Variants in INTS4 observed in about 807,000 individuals in gnomAD.
INTS4 encodes MSTP093.
In INTS4, 70 loss-of-function variants were observed where a neutral mutation model predicts 119.5. The observed-to-expected ratio is 0.59, with a 90% CI of 0.48 to 0.71. The LOEUF is 0.71. INTS4 is among the 30% of genes least tolerant of loss of function. The pLI is 0.00. For synonymous variants in INTS4, 316 were observed against 419.6 expected (o/e 0.75, Z 3.02); for missense variants, 867 against 1,173.2 (o/e 0.74, Z 3.81).
chr11:77,990,639 T>C (rs1298764945), intron 2 of INTS4, among the ~76,000 whole-genome samples: 2 of 148,180 alleles, frequency 1.3e-5, no homozygotes, highest in African/African-American at 2.5e-5. Context: ...CGAGCCAAGA[T>C]TGCACTACTG....
chr11:77,955,645 G>GCA lies in INTS4; in HGVS notation c.918+296_918+297insTG, dbSNP rs1476062422. Among the ~76,000 whole-genome samples, 201 of 152,152 alleles carry GCA rather than the reference G, an allele frequency of 1.3e-3. 1 individual carries two copies. Among genetic ancestry groups the GCA allele is most frequent in the Non-Finnish European group, 2.0e-3 (139 of 67,990 alleles). ...CGAGTAGCTGGGATTACAGGCGTGC[G>GCA]CCACCATGCCCAGCTAATTTTTGTA... On this transcript the variant is annotated intron_variant, in intron 8 of 22. Coordinates refer to ENST00000534064, the MANE Select transcript of INTS4 (RefSeq NM_033547.4).
At chr11:77,908,760 G>A (rs952889565) in intron 15 of INTS4, among the ~76,000 whole-genome samples, 2 of 152,184 alleles carry the variant, frequency 1.3e-5, no homozygotes, top group African/African-American at 4.8e-5. Context: ...GTGCTCTTTA[G>A]TACCTTCTCC....
intron 13 of INTS4, among the ~76,000 whole-genome samples, chr11:77,922,082 G>C (rs1953375158): frequency 6.6e-6 from 1 of 151,874 alleles, no homozygotes; most frequent in South Asian, 2.1e-4. Flanking sequence ...ACAAAAATTA[G>C]CTGGGTGTGG....
intron 16 of INTS4, among the ~76,000 whole-genome samples, chr11:77,904,459 AT>A (rs1445034187): frequency 1.3e-5 from 2 of 152,216 alleles, no homozygotes; most frequent in African/African-American, 4.8e-5. Flanking sequence ...ACCATGCAGT[AT>A]TTTTTAAATT....
In INTS4 at chr11:77,981,589, A is replaced by G; in HGVS notation, c.247-13T>C. 1 of 1,439,038 alleles carries G rather than the reference A, an allele frequency of 6.9e-7. No individual in the cohort carries two copies. Among genetic ancestry groups the G allele is most frequent in the Non-Finnish European group, 9.6e-7 (1 of 1,040,064 alleles). The allele number at this position is 1,439,038 out of a possible 1,614,324, so 89.1% of individuals were successfully genotyped here. A position where few individuals can be genotyped will look rare whatever the true frequency, so the allele number is the denominator to read the frequency against. The stretch of plus-strand genomic sequence containing the variant: ...ATGGATCATTCTCCTGGAAAAAAAG[A>G]AGCAATTGTCACTTTGATGCTTTAC... On this transcript the variant is annotated splice_polypyrimidine_tract_variant and intron_variant, in intron 2 of 22. Coordinates refer to ENST00000534064, the MANE Select transcript of INTS4 (RefSeq NM_033547.4).
At chr11:77,915,066 A>G (rs541861503) in intron 15 of INTS4, 9 of 193,964 alleles carry the variant, frequency 4.6e-5, no homozygotes, top group Non-Finnish European at 9.0e-5. Context: ...TCAACTTGTT[A>G]ACGATTCATG....
chr11:77,884,705 C>T, intron 21 of INTS4: 1 of 260,404 alleles, frequency 3.8e-6, no homozygotes, highest in Non-Finnish European at 8.3e-6. Context: ...CCCTATAATC[C>T]TTCATCTCTC....
intron 21 of INTS4, among the ~76,000 whole-genome samples, chr11:77,886,828 C>A (rs974304671): frequency 6.6e-6 from 1 of 152,138 alleles, no homozygotes; most frequent in African/African-American, 2.4e-5. Flanking sequence ...GGAAACTGAA[C>A]AACCTGCTCC....
At chr11:77,987,620 C>A in intron 2 of INTS4, 1 of 450,438 alleles carries the variant, frequency 2.2e-6, no homozygotes, top group Non-Finnish European at 4.5e-6. Flanking sequence ...AATCCCAATC[C>A]TTTGGGAGGG....
At chr11:77,915,809 C>T (rs1953192384) in intron 15 of INTS4, among the ~76,000 whole-genome samples, 2 of 152,206 alleles carry the variant, frequency 1.3e-5, no homozygotes, top group African/African-American at 2.4e-5. Flanking sequence ...TTCTCAGATT[C>T]CCTTGAGCTA....
chr11:77,971,589 G>C (rs866659739), intron 4 of INTS4, among the ~76,000 whole-genome samples: 1 of 152,062 alleles, frequency 6.6e-6, no homozygotes, highest in African/African-American at 2.4e-5. Flanking sequence ...GCAGTGAGCC[G>C]AGGTCAAGCC....
chr11:77,947,195 T>C (rs961603493), intron 8 of INTS4, among the ~76,000 whole-genome samples: 5 of 151,472 alleles, frequency 3.3e-5, no homozygotes, highest in African/African-American at 1.2e-4. Flanking sequence ...GCATTGAAGA[T>C]TGCCTGATGG....
chr11:77,935,895 CA>C (rs1261830084), intron 10 of INTS4, among the ~76,000 whole-genome samples: 80 of 15,122 alleles, frequency 5.3e-3, no homozygotes, highest in Admixed American at 6.8e-3. Flanking sequence ...GATCCTGTCT[CA>C]AAAAAAAAAA....
At chr11:77,920,232 C>CACAT (rs1448822485) in intron 14 of INTS4, among the ~76,000 whole-genome samples, 2 of 14,384 alleles carry the variant, frequency 1.4e-4, no homozygotes, top group African/African-American at 4.6e-4. Context: ...CATATACATA[C>CACAT]ATATATACAT....
intron 4 of INTS4, 61 bp downstream of exon 4, chr11:77,978,935 G>A (rs931200640): frequency 2.0e-6 from 2 of 1,006,810 alleles, no homozygotes; most frequent in Admixed American, 3.7e-5. Context: ...AACCATTAAT[G>A]GTCCTTAGCA....
Position 77,981,578 on chromosome 11 carries a change from T to C in INTS4, c.247-2A>G. The C allele has an allele frequency of 2.0e-6, 3 of 1,521,770 alleles. No homozygotes were observed. The highest frequency in any genetic ancestry group is 2.7e-6 in the Non-Finnish European group (3 of 1,118,746). The allele number at this position is 1,521,770 out of a possible 1,614,324, so 94.3% of individuals were successfully genotyped here. Reference sequence around the variant, plus strand: ...CAGTCTCACAGATGGATCATTCTCCTGGAAAAAAAGAAGCAATTGTCACTT... The same window carrying C: ...CAGTCTCACAGATGGATCATTCTCCCGGAAAAAAAGAAGCAATTGTCACTT... On this transcript the variant is annotated splice_acceptor_variant, in intron 2 of 22. Coordinates refer to ENST00000534064, the MANE Select transcript of INTS4 (RefSeq NM_033547.4). LOFTEE classifies it high-confidence loss of function.
downstream of INTS4, among the ~76,000 whole-genome samples, chr11:77,876,194 T>G (rs781284366): frequency 6.6e-6 from 1 of 152,190 alleles, no homozygotes; most frequent in Non-Finnish European, 1.5e-5. Context: ...CAAACAGGTT[T>G]CTGGCTCTGA....
At chr11:77,956,083 T>G in intron 7 of INTS4, 21 bp from the exon 8 acceptor site, 1 of 1,580,542 alleles carries the variant, frequency 6.3e-7, no homozygotes, top group Non-Finnish European at 8.6e-7. Flanking sequence ...AGAAAAGAAA[T>G]GAAATCACTT....
At position 77,899,600 on chromosome 11, in the gene INTS4, G is replaced by C. The variant is rs1402132798; in HGVS notation, c.2228+1821C>G. Among the ~76,000 whole-genome samples, 211 of 151,724 alleles carry C rather than the reference G, an allele frequency of 1.4e-3. 1 individual carries two copies. The highest frequency in any genetic ancestry group is 5.1e-3 in the African/African-American group (209 of 41,194). On this transcript the variant is annotated intron_variant, in intron 18 of 22. Transcript: ENST00000534064. Reference sequence around the variant, plus strand: ...CAGGAGAATCGCTTGAACCCAGGAGGCAGAGGTTGCAGTGAGCTGAGATCG... The same window carrying C: ...CAGGAGAATCGCTTGAACCCAGGAGCCAGAGGTTGCAGTGAGCTGAGATCG...
Sources: allele counts gnomAD v4.1 joint callset (sites outside exome capture counted in the v4.1 genomes callset), GRCh38; gene constraint gnomAD v4.1.1; transcripts MANE v1.5; gene names NCBI Gene and HGNC (gene_info 2026-07-23, HGNC 2026-07-21).